The following ODAPH variants were observed in gnomAD, a reference collection of about 807,000 sequenced individuals.
ODAPH encodes amelogenesis imperfecta type IIA4.
Under a neutral mutation model 2.8 loss-of-function variants are expected in ODAPH, and 2 were observed. That is an observed-to-expected ratio of 0.72 (90% CI 0.30 to 2.28). The LOEUF is 2.28. Ranked by LOEUF, ODAPH falls within the 30% of genes most tolerant of loss-of-function variation. The pLI is 0.13. For missense variants in ODAPH, 159 were observed against 163.3 expected (o/e 0.97, Z 0.14); for synonymous variants, 75 against 60.3 (o/e 1.24, Z -1.13).
intron 1 of ODAPH, among the ~76,000 whole-genome samples, chr4:75,562,646 T>G (rs898943359): frequency 1.3e-5 from 2 of 152,158 alleles, no homozygotes; most frequent in African/African-American, 4.8e-5. Context: ...TCATTCACAC[T>G]GGCAGCCCTT....
chr4:75,564,224 A>G lies in ODAPH; in HGVS notation c.178A>G (p.Arg60Gly). ...ACCTGCCCCGAGGAGTCCGGTCACA[A>G]GGGCCCAGCCCATCACAAAGACACC... ...PPPAPRSPVT[R>G]AQPITKTPRC... Residue 60 changes from arginine to glycine, a missense_variant, in exon 2 of 2, where the codon AGG becomes GGG. By Grantham distance (125) the Arg-to-Gly change is moderately radical (BLOSUM62 -2). Transcript: ENST00000311623. 6.2e-7 allele frequency: 1 copy of G among 1,614,220 alleles called. No homozygotes were observed. Among genetic ancestry groups the G allele is most frequent in the Non-Finnish European group, 8.5e-7 (1 of 1,180,042 alleles).
chr4:75,563,923 C>G (rs1727701402), intron 1 of ODAPH, among the ~76,000 whole-genome samples, 191 bp from the exon 2 acceptor site: 1 of 152,166 alleles, frequency 6.6e-6, no homozygotes, highest in East Asian at 1.9e-4. Context: ...TGGGTAAATT[C>G]CCCACAGTGG....
chr4:75,558,454 T>C (rs1727430917), intron 1 of ODAPH, among the ~76,000 whole-genome samples: 1 of 151,706 alleles, frequency 6.6e-6, no homozygotes, highest in Non-Finnish European at 1.5e-5. Context: ...TTAAAATCAG[T>C]ATAGTTCACT....
chr4:75,564,067 C>T, intron 1 of ODAPH, 47 bp from the exon 2 acceptor site: 1 of 1,568,294 alleles, frequency 6.4e-7, no homozygotes, highest in Non-Finnish European at 8.8e-7. Context: ...CACTCTTCTG[C>T]TTCTGTTACC....
In ODAPH at chr4:75,564,259, C is replaced by T; in HGVS notation, c.213C>T (p.Pro71=). 1 of 1,614,210 alleles carries T rather than the reference C, an allele frequency of 6.2e-7. No individual in the cohort carries two copies. Among genetic ancestry groups the T allele is most frequent in the South Asian group, 1.1e-5 (1 of 91,084 alleles). Residue 71 remains proline (P), a synonymous_variant, in exon 2 of 2, where the codon CCC becomes CCT. Transcript: ENST00000311623. ...AQPITKTPRC[P]FHFFPRRPRI... ...CCATCACAAAGACACCCAGGTGTCC[C>T]TTCCATTTTTTTCCACGAAGGCCCA...
At position 75,564,741 on chromosome 4, in the gene ODAPH, A is replaced by T; in HGVS notation, c.*302A>T. On this transcript the variant is annotated 3_prime_UTR_variant, in exon 2 of 2. Coordinates refer to ENST00000311623, the MANE Select transcript of ODAPH (RefSeq NM_178497.5). ...GGTGGCTCTAGTAATTCCTATCCAT[A>T]CTAAGATGCTGAGAGAATCCATCTC... The T allele has an allele frequency of 1.8e-6, 1 of 557,766 alleles. No individual in the cohort carries two copies. The highest frequency in any genetic ancestry group is 3.2e-6 in the Non-Finnish European group (1 of 317,016). The allele number at this position is 557,766 out of a possible 1,614,324, so 34.6% of individuals were successfully genotyped here. A position where few individuals can be genotyped will look rare whatever the true frequency, so the allele number is the denominator to read the frequency against.
chr4:75,558,391 C>A (rs1167207365), intron 1 of ODAPH, among the ~76,000 whole-genome samples: 1 of 152,032 alleles, frequency 6.6e-6, no homozygotes, highest in Non-Finnish European at 1.5e-5. Flanking sequence ...ACTCCATGCA[C>A]CATGTAAGGG....
chr4:75,564,038 C>T (rs1727705355), intron 1 of ODAPH, 76 bp from the exon 2 acceptor site: 2 of 1,306,630 alleles, frequency 1.5e-6, no homozygotes, highest in South Asian at 1.2e-5. Flanking sequence ...CATCTTTCTC[C>T]TCTGCCACCA....
chr4:75,564,246 C>T lies in ODAPH; in HGVS notation c.200C>T (p.Thr67Ile). The change falls in exon 2 of 2, where the codon ACA becomes ATA. Residue 67 changes from threonine (T) to isoleucine (I), a missense_variant. Transcript: ENST00000311623. ...PVTRAQPITK[T>I]PRCPFHFFPR... ...ACAAGGGCCCAGCCCATCACAAAGACACCCAGGTGTCCCTTCCATTTTTTT... is the reference window on the plus strand; with the variant it reads ...ACAAGGGCCCAGCCCATCACAAAGATACCCAGGTGTCCCTTCCATTTTTTT... 1 of 1,614,262 alleles carries T rather than the reference C, an allele frequency of 6.2e-7. No individual in the cohort carries two copies.
At position 75,564,190 on chromosome 4, in the gene ODAPH, C is replaced by T; in HGVS notation, c.144C>T (p.Leu48=). 6.2e-7 allele frequency: 1 copy of T among 1,614,186 alleles called. No individual in the cohort carries two copies. The highest frequency in any genetic ancestry group is 8.5e-7 in the Non-Finnish European group (1 of 1,180,014). Reference sequence around the variant, plus strand: ...CTACCGACTGCCAGATCTTTACACTCACCCCTCCACCTGCCCCGAGGAGTC... The same window carrying T: ...CTACCGACTGCCAGATCTTTACACTTACCCCTCCACCTGCCCCGAGGAGTC... ...ADATDCQIFT[L]TPPPAPRSPV... is the part of the protein sequence containing the mutation. Residue 48 remains leucine (L), a synonymous_variant, in exon 2 of 2, where the codon CTC becomes CTT. Coordinates refer to ENST00000311623, the MANE Select transcript of ODAPH (RefSeq NM_178497.5).
chr4:75,562,285 G>A (rs1239675325), intron 1 of ODAPH, among the ~76,000 whole-genome samples: 1 of 152,008 alleles, frequency 6.6e-6, no homozygotes, highest in African/African-American at 2.4e-5. Context: ...CAAATGAGAG[G>A]GGAATCTAGT....
Position 75,556,128 on chromosome 4 carries a change from TTGG to T in ODAPH, c.51_53del (p.Val18del). On this transcript the variant is annotated inframe_deletion, in exon 1 of 2. Transcript: ENST00000311623. ...CTCCTACTGGTTACTGGTATGCTGG[TTGG>T]TGGTAACTGTGGCAGAAGGTAAGGG... 6.2e-7 allele frequency: 1 copy of T among 1,614,168 alleles called. No homozygotes were observed.
chr4:75,562,389 G>A (rs1478018122), intron 1 of ODAPH, among the ~76,000 whole-genome samples: 1 of 150,714 alleles, frequency 6.6e-6, no homozygotes, highest in Non-Finnish European at 1.5e-5. Flanking sequence ...GCCCAGGCTG[G>A]AGTGCAATGG....
chr4:75,560,108 T>C (rs1727503203), intron 1 of ODAPH, among the ~76,000 whole-genome samples: 1 of 151,968 alleles, frequency 6.6e-6, no homozygotes, highest in South Asian at 2.1e-4. Flanking sequence ...GCCAAAGTGG[T>C]TTTTGGAGAG....
intron 1 of ODAPH, among the ~76,000 whole-genome samples, chr4:75,562,057 T>C (rs1727598860): frequency 6.6e-6 from 1 of 152,192 alleles, no homozygotes; most frequent in Non-Finnish European, 1.5e-5. Flanking sequence ...CCACTGTGGC[T>C]CAATTCTTAA....
chr4:75,561,701 G>T (rs1335715194), intron 1 of ODAPH, among the ~76,000 whole-genome samples: 1 of 152,112 alleles, frequency 6.6e-6, no homozygotes, highest in Non-Finnish European at 1.5e-5. Flanking sequence ...ACAAAAATTA[G>T]CTAGGCGTGG....
intron 1 of ODAPH, chr4:75,556,713 T>C: frequency 2.8e-6 from 2 of 712,074 alleles, no homozygotes; most frequent in South Asian, 3.6e-5. Context: ...ACTGTTCCTA[T>C]TCTCTTTCTT....
chr4:75,561,055 A>AAAGTATTT (rs1415094717), intron 1 of ODAPH, among the ~76,000 whole-genome samples: 1 of 151,776 alleles, frequency 6.6e-6, no homozygotes, highest in Non-Finnish European at 1.5e-5. Flanking sequence ...GTCTCTACTA[A>AAAGTATTT]AAGTATTTTA....
chr4:75,562,401 G>T (rs528359520), intron 1 of ODAPH, among the ~76,000 whole-genome samples: 2 of 149,868 alleles, frequency 1.3e-5, no homozygotes, highest in African/African-American at 2.5e-5. Context: ...GTGCAATGGC[G>T]CAATCTCGGC....
Sources: gnomAD v4.1 joint callset for allele counts (sites outside exome capture counted in the v4.1 genomes callset) on GRCh38, gnomAD v4.1.1 for gene constraint, MANE v1.5 for transcripts, NCBI Gene and HGNC (gene_info 2026-07-23, HGNC 2026-07-21) for gene names.